Variants in KDM4A observed in about 807,000 individuals in gnomAD.
The protein encoded by KDM4A is lysine-specific demethylase 4A.
Under a neutral mutation model 127.1 loss-of-function variants are expected in KDM4A, and 23 were observed. The observed-to-expected ratio is 0.18, with a 90% confidence interval of 0.13 to 0.26. The LOEUF (loss-of-function observed/expected upper bound fraction) is 0.26, where lower values mean the gene tolerates loss of function less well. Among genes scored for constraint, KDM4A ranks in the 10% least tolerant of loss-of-function variants. The pLI, the probability that KDM4A is intolerant of heterozygous loss-of-function variation, is 1.00. For synonymous variants in KDM4A, 443 were observed against 466.5 expected (o/e 0.95, Z 0.65); for missense variants, 890 against 1,329.1 (o/e 0.67, Z 5.14).
rs543443622 is a variant in KDM4A at position 43,668,605 on chromosome 1, C to T, written c.1164-495C>T. On this transcript the variant is annotated intron_variant, in intron 9 of 21. Transcript: ENST00000372396. ...GTCGGGGGCATTTATGTGCGAAGGT[C>T]GGGCTCCCTCTGAGCCAGAAAAGTC... is the stretch of plus-strand genomic sequence containing the variant. Among the ~76,000 whole-genome samples the T allele has an allele frequency of 4.6e-5, 7 of 152,234 alleles. No individual in the cohort carries two copies. The South Asian group carries it at 6.2e-4, about 14-fold the overall frequency.
intron 1 of KDM4A, among the ~76,000 whole-genome samples, chr1:43,651,847 C>A (rs759677661): frequency 6.6e-6 from 1 of 152,210 alleles, no homozygotes; most frequent in Non-Finnish European, 1.5e-5. Context: ...TTTCTCCAAT[C>A]AGTTATGAAG....
At chr1:43,675,014 G>T (rs893337240) in intron 11 of KDM4A, among the ~76,000 whole-genome samples, 8 of 152,166 alleles carry the variant, frequency 5.3e-5, no homozygotes, top group African/African-American at 1.9e-4. Context: ...AGGGGAAGGG[G>T]TCTTCTCTCT....
At chr1:43,683,154 G>A (rs906573913) in intron 11 of KDM4A, among the ~76,000 whole-genome samples, 3 of 152,234 alleles carry the variant, frequency 2.0e-5, no homozygotes, top group African/African-American at 7.2e-5. Flanking sequence ...ATCTGCTAGC[G>A]CGAAGTCTTG....
At position 43,704,517 on chromosome 1, in the gene KDM4A, C is replaced by A; in HGVS notation, c.*147C>A. On this transcript the variant is annotated 3_prime_UTR_variant, in exon 22 of 22. Transcript: ENST00000372396. ...ATAACCGACCCATCATCTTCTCACC[C>A]ACCCTCATTGCATTCCGCTGTAGTG... 2 of 859,146 alleles carry A rather than the reference C, an allele frequency of 2.3e-6. No individual in the cohort carries two copies. The highest frequency in any genetic ancestry group is 3.6e-6 in the Non-Finnish European group (2 of 557,904). 53.2% of individuals were successfully genotyped at this position (859,146 alleles called of 1,614,324 possible).
intron 5 of KDM4A, among the ~76,000 whole-genome samples, chr1:43,664,505 G>A (rs1660457130): frequency 6.6e-6 from 1 of 152,158 alleles, no homozygotes; most frequent in African/African-American, 2.4e-5. Context: ...TGATGAGGCC[G>A]GAGGGGACAT....
chr1:43,693,574 G>A lies in KDM4A; in HGVS notation c.2376-420G>A, dbSNP rs901311259. ...TGGGGGAGAGGTTTGGGCAGAGGCC[G>A]AGAGAGAGCTGTGATTACTGGCAGA... On this transcript the variant is annotated intron_variant, in intron 16 of 21. Coordinates refer to ENST00000372396, the MANE Select transcript of KDM4A (RefSeq NM_014663.3). This position sits in a 1 kb window ranked among gnomAD's most constrained non-coding sequence, Gnocchi z 4.2. Among the ~76,000 whole-genome samples, 7 of 152,318 alleles carry A rather than the reference G, an allele frequency of 4.6e-5. No homozygotes were observed. In the East Asian group the frequency reaches 1.4e-3, roughly 29 times the overall value.
chr1:43,661,484 T>C (rs887229400), intron 4 of KDM4A, among the ~76,000 whole-genome samples: 1 of 151,246 alleles, frequency 6.6e-6, no homozygotes, highest in Admixed American at 6.6e-5. Flanking sequence ...CGGGCGCCTG[T>C]AGTCCCAGCT....
chr1:43,666,932 C>T (rs752604629), intron 7 of KDM4A, 22 bp from the exon 8 acceptor site: 15 of 1,612,948 alleles, frequency 9.3e-6, no homozygotes, highest in Non-Finnish European at 3.4e-6. Context: ...GAAGCAGCTG[C>T]TTCAAGTCTG....
chr1:43,692,993 C>T (rs1429219646), intron 16 of KDM4A, among the ~76,000 whole-genome samples: 1 of 152,148 alleles, frequency 6.6e-6, no homozygotes, highest in Non-Finnish European at 1.5e-5. Context: ...AGTAGAATCC[C>T]GTGGCAACTT....
At chr1:43,654,606 A>G (rs900229698) in intron 2 of KDM4A, among the ~76,000 whole-genome samples, 4 of 151,870 alleles carry the variant, frequency 2.6e-5, no homozygotes, top group African/African-American at 9.7e-5. Context: ...GTGAGTAAAA[A>G]CAGAATGCTA....
intron 18 of KDM4A, among the ~76,000 whole-genome samples, chr1:43,697,494 C>G (rs547533423): frequency 1.3e-5 from 2 of 152,342 alleles, no homozygotes; most frequent in East Asian, 1.9e-4. Context: ...CCTATTGAGT[C>G]TCTCCTTCGA....
Position 43,698,147 on chromosome 1 carries a change from A to C in KDM4A, c.2841+134A>C. On this transcript the variant is annotated intron_variant, in intron 19 of 21. Transcript: ENST00000372396. ...CCCATCACCATGTCCTCAAACAGAA[A>C]GAATCATCTGTACCAGTCTTTCTTT... is the stretch of plus-strand genomic sequence containing the variant. 6 of 807,238 alleles carry C rather than the reference A, an allele frequency of 7.4e-6. No homozygotes were observed. The South Asian group carries it at 1.2e-4, about 16-fold the overall frequency. 50.0% of individuals were successfully genotyped at this position (807,238 alleles called of 1,614,324 possible).
rs1263300553 is a variant in KDM4A, at chr1:43,694,270, C to A, written c.2484+168C>A. ...GGTGGCTCACACCTGTAATCCCAGC[C>A]CTTTGTGGGGCCGAGGTGGGTGAAC... On this transcript the variant is annotated intron_variant, in intron 17 of 21. Coordinates refer to ENST00000372396, the MANE Select transcript of KDM4A (RefSeq NM_014663.3). The surrounding 1 kb of genome is among the most constrained non-coding windows in gnomAD (Gnocchi z 5.2). 3.3e-5 allele frequency among the ~76,000 whole-genome samples: 5 copies of A among 152,046 alleles called. No homozygotes were observed. The highest frequency in any genetic ancestry group is 5.9e-5 in the Non-Finnish European group (4 of 68,002).
At position 43,704,007 on chromosome 1, in the gene KDM4A, G is replaced by GTTTC. The variant is rs767723085; in HGVS notation, c.2962-12_2962-9dup. On this transcript the variant is annotated splice_polypyrimidine_tract_variant and intron_variant, in intron 20 of 21. Coordinates refer to ENST00000372396, the MANE Select transcript of KDM4A (RefSeq NM_014663.3). ...GGGATATCCTAGCCAAAAGGCCTTT[G>GTTTC]TTTCCTTGGTAGGTGGAGTTTGAGG... 53 of 1,612,582 alleles carry GTTTC rather than the reference G, an allele frequency of 3.3e-5. 1 individual carries two copies. In the South Asian group the frequency reaches 5.8e-4, roughly 18 times the overall value.
At position 43,688,788 on chromosome 1, in the gene KDM4A, G is replaced by A. The variant is rs1050857268; in HGVS notation, c.1856-126G>A. On this transcript the variant is annotated intron_variant, in intron 12 of 21. Coordinates refer to ENST00000372396, the MANE Select transcript of KDM4A (RefSeq NM_014663.3). This position sits in a 1 kb window ranked among gnomAD's most constrained non-coding sequence, Gnocchi z 4.4. ...CCACCCTTTGCCTTTATCATCCTTA[G>A]GAATTCAGGAGTCACCCTTGGTCCA... 2.6e-6 allele frequency: 2 copies of A among 769,456 alleles called. No homozygotes were observed. The highest frequency in any genetic ancestry group is 2.6e-5 in the East Asian group (1 of 37,990). 47.7% of individuals were successfully genotyped at this position (769,456 alleles called of 1,614,324 possible).
rs369300612 is a variant in KDM4A, at chr1:43,694,129, T to G, written c.2484+27T>G. 1 of 1,572,022 alleles carries G rather than the reference T, an allele frequency of 6.4e-7. No individual in the cohort carries two copies. Among genetic ancestry groups the G allele is most frequent in the African/African-American group, 1.4e-5 (1 of 74,030 alleles). On this transcript the variant is annotated intron_variant, in intron 17 of 21. Coordinates refer to ENST00000372396, the MANE Select transcript of KDM4A (RefSeq NM_014663.3). This position sits in a 1 kb window ranked among gnomAD's most constrained non-coding sequence, Gnocchi z 5.2. ...TAAGGGCTTGTAGACTCTACATAAT[T>G]TCCCGACTTACAAGTTTCTGGGTAG...
At chr1:43,651,399 G>A (rs1660110637) in intron 1 of KDM4A, among the ~76,000 whole-genome samples, 1 of 152,178 alleles carries the variant, frequency 6.6e-6, no homozygotes, top group African/African-American at 2.4e-5. Flanking sequence ...GCCATGCAAA[G>A]TTTCTGCCAG....
Position 43,683,541 on chromosome 1 carries a change from T to C in KDM4A, c.1735-143T>C, listed in dbSNP as rs1570854297. On this transcript the variant is annotated intron_variant, in intron 11 of 21. Coordinates refer to ENST00000372396, the MANE Select transcript of KDM4A (RefSeq NM_014663.3). ...CGTGGTATTGTCATTTGGCTTTTTC[T>C]AAGATAGGTATTTTCTGTTTGGTAT... The C allele has an allele frequency of 3.0e-6, 3 of 986,576 alleles. No homozygotes were observed. The East Asian group carries it at 7.8e-5, about 26-fold the overall frequency. The allele number at this position is 986,576 out of a possible 1,614,324, so 61.1% of individuals were successfully genotyped here.
intron 12 of KDM4A, among the ~76,000 whole-genome samples, chr1:43,685,183 G>T (rs1660944017): frequency 2.0e-5 from 3 of 152,146 alleles, no homozygotes; most frequent in African/African-American, 7.2e-5. Flanking sequence ...GAGAAGCAGG[G>T]TAAGCAGCCA....
Sources: allele counts gnomAD v4.1 joint callset (sites outside exome capture counted in the v4.1 genomes callset), GRCh38; gene constraint gnomAD v4.1.1; non-coding constraint Gnocchi (gnomAD v3.1); transcripts MANE v1.5; gene names NCBI Gene and HGNC (gene_info 2026-07-23, HGNC 2026-07-21).